PAIP1: variants seen among roughly 807,000 people sequenced by gnomAD.
The protein encoded by PAIP1 is poly(A) binding protein interacting protein 1.
Under a neutral mutation model 61.3 loss-of-function variants are expected in PAIP1, and 16 were observed. The ratio of observed to expected loss-of-function variants is 0.26; its 90% CI spans 0.18 to 0.40. PAIP1 has a LOEUF of 0.40. Among genes scored for constraint, PAIP1 ranks in the 10% least tolerant of loss-of-function variants. PAIP1 has a pLI of 1.00. For synonymous variants in PAIP1, 187 were observed against 226.2 expected (o/e 0.83, Z 1.56); for missense variants, 416 against 600.9 (o/e 0.69, Z 3.22).
intron 4 of PAIP1, among the ~76,000 whole-genome samples, chr5:43,539,281 T>G (rs922321115): frequency 2.9e-5 from 4 of 138,340 alleles, no homozygotes; most frequent in Non-Finnish European, 4.8e-5. Context: ...TCAAATTTAA[T>G]ATGTTTAAGC....
chr5:43,543,312 A>C, intron 3 of PAIP1, among the ~76,000 whole-genome samples, 196 bp from the exon 4 acceptor site: 1 of 145,438 alleles, frequency 6.9e-6, no homozygotes, highest in South Asian at 2.1e-4. Flanking sequence ...AATAAGTACA[A>C]AAAAAAAAAA....
Position 43,556,085 on chromosome 5 carries a change from C to T in PAIP1, c.266-86G>A, listed in dbSNP as rs1748051246. 3.3e-6 allele frequency: 5 copies of T among 1,494,808 alleles called. No homozygotes were observed. The African/African-American group carries it at 4.2e-5, about 13-fold the overall frequency. 92.6% of individuals were successfully genotyped at this position (1,494,808 alleles called of 1,614,324 possible). Reference sequence around the variant, plus strand: ...ATATACTGAAAAACCATCTGAAAAGCGTCTGTTTTTAAGAGTTAAACAGGA... The same window carrying T: ...ATATACTGAAAAACCATCTGAAAAGTGTCTGTTTTTAAGAGTTAAACAGGA... On this transcript the variant is annotated intron_variant, in intron 1 of 10. Coordinates refer to ENST00000306846, the MANE Select transcript of PAIP1 (RefSeq NM_006451.5).
intron 4 of PAIP1, among the ~76,000 whole-genome samples, chr5:43,540,202 TG>T (rs1747342532): frequency 6.6e-6 from 1 of 152,214 alleles, no homozygotes; most frequent in African/African-American, 2.4e-5. Context: ...AAGTCAAATG[TG>T]GTAAGATATT....
rs1400821137 is a variant in PAIP1 at position 43,547,798 on chromosome 5, G to A, written c.551C>T (p.Ala184Val). 1 of 1,611,478 alleles carries A rather than the reference G, an allele frequency of 6.2e-7. No individual in the cohort carries two copies. The highest frequency in any genetic ancestry group is 1.1e-5 in the South Asian group (1 of 90,942). ...GSFETEIEQF[A>V]ETLNGCVTTD... ...TGTAACACAACCATTCAGGGTCTCT[G>A]CAAACTGTTCAATTTCAGTTTCAAA... Residue 184 changes from alanine (A) to valine (V), a missense_variant, in exon 3 of 11, where the codon GCA becomes GTA. Transcript: ENST00000306846.
At chr5:43,535,452 G>T in intron 7 of PAIP1, 82 bp downstream of exon 7, 2 of 770,652 alleles carry the variant, frequency 2.6e-6, no homozygotes, top group Non-Finnish European at 4.6e-6. Flanking sequence ...CCCTGCTGAA[G>T]TATAGCAAAT....
chr5:43,545,697 C>T (rs74492176), intron 3 of PAIP1, among the ~76,000 whole-genome samples: 4 of 152,154 alleles, frequency 2.6e-5, no homozygotes, highest in East Asian at 1.9e-4. Context: ...TATGAGCTTC[C>T]GCCTTTTAAA....
chr5:43,554,507 A>G (rs1401760821), intron 2 of PAIP1, among the ~76,000 whole-genome samples: 2 of 152,210 alleles, frequency 1.3e-5, no homozygotes, highest in East Asian at 1.9e-4. Context: ...CCTATACAGC[A>G]TAAGAATCAT....
intron 10 of PAIP1, 108 bp downstream of exon 10, chr5:43,529,678 C>T (rs1746860588): frequency 1.4e-6 from 1 of 730,484 alleles, no homozygotes; most frequent in Non-Finnish European, 2.5e-6. Flanking sequence ...AGGCACGAGC[C>T]ACTGCGCCTG....
intron 5 of PAIP1, among the ~76,000 whole-genome samples, chr5:43,537,706 C>G (rs1747208836): frequency 6.6e-6 from 1 of 151,956 alleles, no homozygotes; most frequent in Non-Finnish European, 1.5e-5. Context: ...TTTAAAAAAT[C>G]AAGCAGAGGC....
chr5:43,542,431 C>T (rs1747451836), intron 4 of PAIP1, among the ~76,000 whole-genome samples: 1 of 149,012 alleles, frequency 6.7e-6, no homozygotes, highest in African/African-American at 2.5e-5. Flanking sequence ...ACTGGGTAGG[C>T]TGAGGCAGGA....
At chr5:43,534,823 G>A in intron 8 of PAIP1, 30 bp downstream of exon 8, 2 of 1,183,218 alleles carry the variant, frequency 1.7e-6, no homozygotes, top group Non-Finnish European at 2.5e-6. Flanking sequence ...CAAGCAATAA[G>A]TAAAACTTAA....
chr5:43,547,114 G>A (rs1176171919), intron 3 of PAIP1, among the ~76,000 whole-genome samples: 3 of 134,200 alleles, frequency 2.2e-5, no homozygotes, highest in Non-Finnish European at 3.1e-5. Flanking sequence ...AAAACTAAAT[G>A]TTGTATAATG....
intron 8 of PAIP1, among the ~76,000 whole-genome samples, chr5:43,534,438 A>G (rs1747064114): frequency 6.6e-6 from 1 of 152,214 alleles, no homozygotes; most frequent in Non-Finnish European, 1.5e-5. Context: ...ACCTCAGGTG[A>G]TCTGCCCACC....
At chr5:43,533,346 C>T (rs1269777406) in intron 9 of PAIP1, among the ~76,000 whole-genome samples, 2 of 152,170 alleles carry the variant, frequency 1.3e-5, no homozygotes, top group East Asian at 1.9e-4. Context: ...TGTAATTCTT[C>T]GTGTAAAGTA....
rs372674840 is a variant in PAIP1 at position 43,537,607 on chromosome 5, TATG to T, written c.847-666_847-664del. ...CACATTTGATAGATTCACATTGTCT[TATG>T]ATGTTTCTGATATTATGGCGTTTAC... On this transcript the variant is annotated intron_variant, in intron 5 of 10. Transcript: ENST00000306846. Among the ~76,000 whole-genome samples, 105 of 152,282 alleles carry T rather than the reference TATG, an allele frequency of 6.9e-4. 2 individuals are homozygous for T. In the South Asian group the frequency reaches 0.021, roughly 31 times the overall value.
intron 9 of PAIP1, among the ~76,000 whole-genome samples, chr5:43,532,010 T>C (rs1173577230): frequency 1.3e-5 from 2 of 152,152 alleles, no homozygotes; most frequent in Admixed American, 6.5e-5. Flanking sequence ...TTTAGCTTGA[T>C]TTTTCTGTAA....
At chr5:43,550,550 T>TA (rs1300397031) in intron 2 of PAIP1, among the ~76,000 whole-genome samples, 1 of 152,132 alleles carries the variant, frequency 6.6e-6, no homozygotes, top group African/African-American at 2.4e-5. Flanking sequence ...TGATATGTGA[T>TA]AGACACCATA....
At position 43,529,891 on chromosome 5, in the gene PAIP1, C is replaced by G; in HGVS notation, c.1253-12G>C. On this transcript the variant is annotated splice_polypyrimidine_tract_variant and intron_variant, in intron 9 of 10. Coordinates refer to ENST00000306846, the MANE Select transcript of PAIP1 (RefSeq NM_006451.5). Reference sequence around the variant, plus strand: ...TTTCTCTTGGTAATCTGTAAGACAACATAGGAGAAAAACTAAATACTGAAA... The same window carrying G: ...TTTCTCTTGGTAATCTGTAAGACAAGATAGGAGAAAAACTAAATACTGAAA... The G allele has an allele frequency of 8.3e-7, 1 of 1,198,068 alleles. No homozygotes were observed. 74.2% of individuals were successfully genotyped at this position (1,198,068 alleles called of 1,614,324 possible).
intron 2 of PAIP1, among the ~76,000 whole-genome samples, chr5:43,551,333 C>T (rs61573606): frequency 0.012 from 1,780 of 152,238 alleles, 44 homozygotes; most frequent in African/African-American, 0.041. Context: ...AAAAAATCCA[C>T]GTAACAATCC....
Sources: gnomAD v4.1 joint callset for allele counts (sites outside exome capture counted in the v4.1 genomes callset) on GRCh38, gnomAD v4.1.1 for gene constraint, MANE v1.5 for transcripts, NCBI Gene and HGNC (gene_info 2026-07-23, HGNC 2026-07-21) for gene names.